Variants in TUSC3 observed in about 807,000 individuals in gnomAD.
TUSC3 encodes the protein tumor suppressor candidate 3, also known as dolichyl-diphosphooligosaccharide--protein glycosyltransferase subunit TUSC3.
TUSC3 carries 45 observed loss-of-function variants against 44.8 expected under a neutral mutation model. The observed-to-expected ratio is 1.00, with a 90% CI of 0.79 to 1.29. The LOEUF (loss-of-function observed/expected upper bound fraction) is 1.29. TUSC3 is among the 50% of genes most tolerant of loss of function. TUSC3 has a pLI of 0.00. For synonymous variants in TUSC3, 212 were observed against 152.9 expected, an observed-to-expected ratio of 1.39 and a Z score of -2.85; for missense variants, 519 against 437.9, an observed-to-expected ratio of 1.19 and a Z score of -1.65.
chr8:15,731,028 C>T (rs1024475302), intron 7 of TUSC3, among the ~76,000 whole-genome samples: 2 of 151,776 alleles, frequency 1.3e-5, no homozygotes, highest in East Asian at 3.9e-4. Context: ...ATGGCTTTTC[C>T]GTATAGCATC....
chr8:15,519,293 C>T (rs900756717), intron 2 of TUSC3, among the ~76,000 whole-genome samples: 1 of 152,056 alleles, frequency 6.6e-6, no homozygotes, highest in Non-Finnish European at 1.5e-5. Flanking sequence ...ACATTTATAT[C>T]TTTTTATATT....
chr8:15,676,604 C>T (rs1808201344), intron 6 of TUSC3, among the ~76,000 whole-genome samples: 5 of 152,104 alleles, frequency 3.3e-5, no homozygotes, highest in Admixed American at 3.3e-4. Context: ...TTCCAGCGGA[C>T]ATTTGGTAGT....
chr8:15,479,878 A>G (rs370994148), intron 1 of TUSC3, among the ~76,000 whole-genome samples: 1 of 152,158 alleles, frequency 6.6e-6, no homozygotes, highest in Non-Finnish European at 1.5e-5. Context: ...TTTGCAGATG[A>G]TATGGTCCTA....
intron 4 of TUSC3, among the ~76,000 whole-genome samples, chr8:15,660,582 G>A (rs116591876): frequency 1.7e-3 from 259 of 151,968 alleles, no homozygotes; most frequent in African/African-American, 5.9e-3. Flanking sequence ...TAATACAGAA[G>A]CATTAATTTT....
chr8:15,523,690 G>A (rs1245747914), intron 2 of TUSC3, among the ~76,000 whole-genome samples: 5,641 of 48,200 alleles, frequency 0.12, 445 homozygotes, highest in African/African-American at 0.18. Flanking sequence ...GTGTGTGTGT[G>A]TGTGTGTGTG....
At chr8:15,494,308 A>G (rs1800849531) in intron 2 of TUSC3, among the ~76,000 whole-genome samples, 1 of 138,860 alleles carries the variant, frequency 7.2e-6, no homozygotes, top group Non-Finnish European at 1.5e-5. Flanking sequence ...CATAGGGCTT[A>G]TCTCTCATCT....
intron 2 of TUSC3, among the ~76,000 whole-genome samples, chr8:15,497,893 C>G (rs952213988): frequency 6.6e-6 from 1 of 151,994 alleles, no homozygotes; most frequent in African/African-American, 2.4e-5. Context: ...TCTGTAATCT[C>G]TCCTGCCACC....
the TUSC3 span, among the ~76,000 whole-genome samples, chr8:15,804,509 G>A: frequency 6.6e-6 from 1 of 152,176 alleles, no homozygotes; most frequent in Admixed American, 6.5e-5. Flanking sequence ...TTTTGTATGT[G>A]GTGAGAGGTT....
At chr8:15,520,209 A>G (rs998698047) in intron 2 of TUSC3, among the ~76,000 whole-genome samples, 2 of 152,220 alleles carry the variant, frequency 1.3e-5, no homozygotes, top group Non-Finnish European at 2.9e-5. Flanking sequence ...AAAGAGGAAA[A>G]AAGAGTGAGA....
intron 1 of TUSC3, among the ~76,000 whole-genome samples, chr8:15,442,898 C>G: frequency 6.6e-6 from 1 of 152,128 alleles, no homozygotes; most frequent in East Asian, 1.9e-4. Flanking sequence ...CATATCTGAT[C>G]AAGTTTCTCT....
At chr8:15,697,351 G>T (rs998376192) in intron 6 of TUSC3, among the ~76,000 whole-genome samples, 1 of 151,982 alleles carries the variant, frequency 6.6e-6, no homozygotes, top group African/African-American at 2.4e-5. Context: ...TGTTTCTCTA[G>T]TTCCTTGAGC....
chr8:15,657,374 A>G (rs1807220950), intron 3 of TUSC3, among the ~76,000 whole-genome samples: 1 of 152,188 alleles, frequency 6.6e-6, no homozygotes, highest in Admixed American at 6.5e-5. Flanking sequence ...CTTCTGCCAG[A>G]TATCCTCGTT....
At position 15,638,560 on chromosome 8, in the gene TUSC3, G is replaced by C. The variant is rs187860106; in HGVS notation, c.309-12137G>C. Among the ~76,000 whole-genome samples the C allele has an allele frequency of 3.7e-3, 422 of 113,994 alleles. 1 individual carries two copies. Among genetic ancestry groups the C allele is most frequent in the Admixed American group, 5.3e-3 (40 of 7,488 alleles). 74.8% of individuals were successfully genotyped at this position (113,994 alleles called of 152,430 possible). ...TTTTTGGAGACAAGAGTCTCACTCT[G>C]TTGCCCATGCTGGAGTGCAGTGGCA... is the stretch of plus-strand genomic sequence containing the variant. On this transcript the variant is annotated intron_variant, in intron 2 of 10. Coordinates refer to ENST00000503731, the MANE Select transcript of TUSC3 (RefSeq NM_006765.4).
chr8:15,658,637 T>TATACAC (rs1554469878), intron 3 of TUSC3, among the ~76,000 whole-genome samples: 2 of 112,202 alleles, frequency 1.8e-5, no homozygotes, highest in South Asian at 2.8e-4. Flanking sequence ...TACACATATA[T>TATACAC]ATACACACAC....
At chr8:15,557,687 T>C in intron 1 of TUSC3, among the ~76,000 whole-genome samples, 1 of 124,170 alleles carries the variant, frequency 8.1e-6, no homozygotes, top group Non-Finnish European at 1.8e-5. Flanking sequence ...CCTTGAGCAG[T>C]GGTTGGTAGT....
chr8:15,713,935 C>T (rs903169206), intron 6 of TUSC3, among the ~76,000 whole-genome samples: 3 of 152,080 alleles, frequency 2.0e-5, no homozygotes, highest in African/African-American at 4.8e-5. Context: ...TATTCACAAC[C>T]GTGGCCTCAT....
At chr8:15,810,180 T>A in the TUSC3 span, among the ~76,000 whole-genome samples, 731 of 152,242 alleles carry the variant, frequency 4.8e-3, 5 homozygotes, top group African/African-American at 0.016. Context: ...CCAGAACAAC[T>A]GAATCAGAAA....
At chr8:15,689,307 G>T in intron 6 of TUSC3, 1 of 306,872 alleles carries the variant, frequency 3.3e-6, no homozygotes, top group South Asian at 3.2e-5. Context: ...TTACTTTCCT[G>T]GTAGTAGTCA....
chr8:15,851,842 G>A, the TUSC3 span, among the ~76,000 whole-genome samples: 2 of 152,088 alleles, frequency 1.3e-5, no homozygotes, highest in Non-Finnish European at 2.9e-5. Flanking sequence ...TAATTCCCAC[G>A]TGTTGTAGGA....
Sources: allele counts gnomAD v4.1 joint callset (sites outside exome capture counted in the v4.1 genomes callset), GRCh38; gene constraint gnomAD v4.1.1; transcripts MANE v1.5; gene names NCBI Gene and HGNC (gene_info 2026-07-23, HGNC 2026-07-21).